Variants in AKAP6 observed in about 807,000 individuals in gnomAD.
AKAP6 encodes A-kinase anchoring protein 6.
Under a neutral mutation model 188.5 loss-of-function variants are expected in AKAP6, and 58 were observed. That is an observed-to-expected ratio of 0.31 (90% CI 0.25 to 0.38). The LOEUF is 0.38. AKAP6 is among the 10% of genes least tolerant of loss of function. The pLI is 1.00. For missense variants in AKAP6, 2,710 were observed against 2,740.0 expected (o/e 0.99, Z 0.24); for synonymous variants, 989 against 998.6 (o/e 0.99, Z 0.18).
At chr14:32,806,417 C>T (rs1478912763) in intron 12 of AKAP6, among the ~76,000 whole-genome samples, 1 of 152,188 alleles carries the variant, frequency 6.6e-6, no homozygotes, top group Admixed American at 6.5e-5. Flanking sequence ...TGGCTCACCC[C>T]TCTAATTCCA....
intron 12 of AKAP6, among the ~76,000 whole-genome samples, chr14:32,803,049 G>T (rs1594962244): frequency 6.6e-6 from 1 of 152,188 alleles, no homozygotes; most frequent in African/African-American, 2.4e-5. Flanking sequence ...AGTGAGCCAA[G>T]ATTGCACTCC....
chr14:32,377,580 G>T (rs555460741), intron 1 of AKAP6, among the ~76,000 whole-genome samples: 1 of 152,284 alleles, frequency 6.6e-6, no homozygotes, highest in East Asian at 1.9e-4. Context: ...ACAGTCACAG[G>T]AGTGTGGAGA....
intron 2 of AKAP6, among the ~76,000 whole-genome samples, chr14:32,532,607 G>C (rs1882472656): frequency 6.6e-6 from 1 of 152,198 alleles, no homozygotes; most frequent in South Asian, 2.1e-4. Flanking sequence ...GTAACATTTT[G>C]TATTGCAGGA....
chr14:32,822,908 C>A lies in AKAP6; in HGVS notation c.5095C>A (p.Leu1699Ile), dbSNP rs746041490. 1.9e-6 allele frequency: 3 copies of A among 1,613,922 alleles called. No homozygotes were observed. The South Asian group carries it at 3.3e-5, about 18-fold the overall frequency. ...ACTTAGCAGCAGTGACGAGCTCTCT[C>A]TTTGCTCAGAGGATATTGTGTTACA... Reference protein sequence around the residue: ...TELSSSDELSLCSEDIVLHKN... With the variant: ...TELSSSDELSICSEDIVLHKN... Residue 1699 changes from leucine to isoleucine, a missense_variant, in exon 13 of 14, where the codon CTT becomes ATT. By Grantham distance (5) the Leu-to-Ile change is conservative. Around this residue, in one of 2 missense-constraint regions of AKAP6, gnomAD observed 2,473 missense variants for 2,426.1 expected, o/e 1.02. Coordinates refer to ENST00000280979, the MANE Select transcript of AKAP6 (RefSeq NM_004274.5).
intron 5 of AKAP6, among the ~76,000 whole-genome samples, chr14:32,582,079 C>A (rs1884997496): frequency 6.6e-6 from 1 of 151,828 alleles, no homozygotes; most frequent in Non-Finnish European, 1.5e-5. Context: ...GATGCAGTTT[C>A]TTCCTAGCCT....
At chr14:32,799,131 A>T (rs2033862231) in intron 12 of AKAP6, among the ~76,000 whole-genome samples, 1 of 152,216 alleles carries the variant, frequency 6.6e-6, no homozygotes, top group African/African-American at 2.4e-5. Context: ...AAGTGAATAG[A>T]GGAGGAAATC....
At chr14:32,533,742 G>C (rs1226429170) in intron 2 of AKAP6, among the ~76,000 whole-genome samples, 2 of 152,146 alleles carry the variant, frequency 1.3e-5, no homozygotes, top group African/African-American at 4.8e-5. Context: ...CAGAAATCCC[G>C]GGCAATGTGG....
At chr14:32,485,271 A>G (rs893895776) in intron 2 of AKAP6, among the ~76,000 whole-genome samples, 8 of 151,258 alleles carry the variant, frequency 5.3e-5, no homozygotes, top group African/African-American at 1.5e-4. Context: ...TGCAATAAAC[A>G]TATGTATGCA....
chr14:32,501,976 G>T (rs922259484), intron 2 of AKAP6, among the ~76,000 whole-genome samples: 1 of 152,058 alleles, frequency 6.6e-6, no homozygotes, highest in Non-Finnish European at 1.5e-5. Flanking sequence ...TTACTGGATC[G>T]TTTAACTAAT....
intron 12 of AKAP6, among the ~76,000 whole-genome samples, chr14:32,785,481 A>G (rs2033373176): frequency 6.6e-6 from 1 of 152,202 alleles, no homozygotes; most frequent in South Asian, 2.1e-4. Flanking sequence ...TTTTACTTTT[A>G]AAATATTACC....
At chr14:32,780,290 A>G (rs1307496494) in intron 12 of AKAP6, among the ~76,000 whole-genome samples, 1 of 151,956 alleles carries the variant, frequency 6.6e-6, no homozygotes, top group Non-Finnish European at 1.5e-5. Context: ...GAAATAAACC[A>G]GACACAGAAA....
chr14:32,794,206 C>T (rs1364294560), intron 12 of AKAP6, among the ~76,000 whole-genome samples: 1 of 152,062 alleles, frequency 6.6e-6, no homozygotes, highest in Non-Finnish European at 1.5e-5. Flanking sequence ...CACACAACTA[C>T]GTGGAAATTG....
chr14:32,470,161 T>TATA (rs1878693199), intron 2 of AKAP6, among the ~76,000 whole-genome samples: 1 of 152,192 alleles, frequency 6.6e-6, no homozygotes, highest in Admixed American at 6.5e-5. Flanking sequence ...GGCTATTTGA[T>TATA]ATTTAGAGCT....
chr14:32,610,585 C>G (rs957578476), intron 7 of AKAP6, among the ~76,000 whole-genome samples: 1 of 152,090 alleles, frequency 6.6e-6, no homozygotes, highest in Non-Finnish European at 1.5e-5. Context: ...ACAAGAGATA[C>G]AGAAACTGGG....
chr14:32,814,902 A>G (rs183022834), intron 12 of AKAP6, among the ~76,000 whole-genome samples: 1 of 152,144 alleles, frequency 6.6e-6, no homozygotes, highest in Non-Finnish European at 1.5e-5. Flanking sequence ...GCAATCAGTA[A>G]TCACTTTTTA....
intron 1 of AKAP6, among the ~76,000 whole-genome samples, chr14:32,385,389 T>A (rs1888497358): frequency 8.3e-6 from 1 of 121,154 alleles, no homozygotes; most frequent in African/African-American, 2.9e-5. Context: ...AATGTCTCTG[T>A]TTTTTATTTT....
At chr14:32,609,585 C>T (rs1468872988) in intron 7 of AKAP6, among the ~76,000 whole-genome samples, 1 of 152,060 alleles carries the variant, frequency 6.6e-6, no homozygotes, top group Non-Finnish European at 1.5e-5. Context: ...ACTTGTTTAG[C>T]TTTGCCTCCT....
chr14:32,524,390 T>C (rs1461288303), intron 2 of AKAP6, among the ~76,000 whole-genome samples: 1 of 151,902 alleles, frequency 6.6e-6, no homozygotes, highest in Non-Finnish European at 1.5e-5. Flanking sequence ...GTTACAAGAG[T>C]GTTTTCCTTA....
intron 13 of AKAP6, among the ~76,000 whole-genome samples, chr14:32,828,638 G>A (rs2034745401): frequency 6.6e-6 from 1 of 151,848 alleles, no homozygotes; most frequent in African/African-American, 2.4e-5. Flanking sequence ...CAAGTTGAAA[G>A]AATTGATTAC....
Sources: allele counts gnomAD v4.1 joint callset (sites outside exome capture counted in the v4.1 genomes callset), GRCh38; gene constraint gnomAD v4.1.1; regional missense constraint gnomAD v4.1.1; transcripts MANE v1.5; gene names NCBI Gene and HGNC (gene_info 2026-07-23, HGNC 2026-07-21).